The following SNAP25 variants were observed in gnomAD, a reference collection of about 807,000 sequenced individuals.
The protein encoded by SNAP25 is synaptosome associated protein 25.
SNAP25 carries 3 observed loss-of-function variants against 28.7 expected under a neutral mutation model. That is an observed-to-expected ratio of 0.10 (90% CI 0.05 to 0.27). The LOEUF is 0.27. SNAP25 is among the 10% of genes least tolerant of loss of function. The probability of loss-of-function intolerance (pLI) is 1.00; values close to 1 mark genes in which losing one functional copy is unlikely to be tolerated. For missense variants in SNAP25, 117 were observed against 278.7 expected, an observed-to-expected ratio of 0.42 and a Z score of 4.13; for synonymous variants, 61 against 88.1, an observed-to-expected ratio of 0.69 and a Z score of 1.72.
chr20:10,259,891 C>T (rs1379022103), intron 1 of SNAP25, among the ~76,000 whole-genome samples: 1 of 152,168 alleles, frequency 6.6e-6, no homozygotes, highest in Non-Finnish European at 1.5e-5. Flanking sequence ...TATACATACA[C>T]CTCGGCTTCC....
chr20:10,234,388 C>T lies in SNAP25; in HGVS notation c.-64+15411C>T, dbSNP rs575735656. 2.0e-5 allele frequency among the ~76,000 whole-genome samples: 3 copies of T among 152,326 alleles called. No homozygotes were observed. The South Asian group carries it at 6.2e-4, about 32-fold the overall frequency. Reference sequence around the variant, plus strand: ...TCTTGTTCTTAATCCATAAATGGAACACTAGTGCTCTATAGGCTTAATACT... The same window carrying T: ...TCTTGTTCTTAATCCATAAATGGAATACTAGTGCTCTATAGGCTTAATACT... On this transcript the variant is annotated intron_variant, in intron 1 of 7. Coordinates refer to ENST00000254976, the MANE Select transcript of SNAP25 (RefSeq NM_130811.4).
At chr20:10,224,585 C>A (rs992600334) in intron 1 of SNAP25, among the ~76,000 whole-genome samples, 1 of 151,934 alleles carries the variant, frequency 6.6e-6, no homozygotes, top group Non-Finnish European at 1.5e-5. Context: ...CTGGCATCAT[C>A]TTAATAATGC....
intron 7 of SNAP25, among the ~76,000 whole-genome samples, chr20:10,304,150 A>G (rs1428853147): frequency 1.3e-5 from 2 of 152,226 alleles, no homozygotes; most frequent in African/African-American, 4.8e-5. Context: ...CCAGGTTGCT[A>G]GCATTCAGAC....
chr20:10,270,569 A>T (rs1258316059), intron 1 of SNAP25, among the ~76,000 whole-genome samples: 2 of 151,930 alleles, frequency 1.3e-5, no homozygotes, highest in African/African-American at 4.8e-5. Flanking sequence ...GCGTGGTGGC[A>T]TGCACCTGTA....
In SNAP25 at chr20:10,275,524, G is replaced by A. The variant is rs772695517; in HGVS notation, c.33G>A (p.Leu11=). Residue 11 remains leucine, a synonymous_variant, in exon 2 of 8, where the codon CTG becomes CTA. Coordinates refer to ENST00000254976, the MANE Select transcript of SNAP25 (RefSeq NM_130811.4). MAEDADMRNE[L]EEMQRRADQL... The stretch of plus-strand genomic sequence containing the variant: ...AAGACGCAGACATGCGCAATGAGCT[G>A]GAGGAGATGCAGCGAAGGGCTGACC... 1 of 1,606,348 alleles carries A rather than the reference G, an allele frequency of 6.2e-7. No individual in the cohort carries two copies. Among genetic ancestry groups the A allele is most frequent in the South Asian group, 1.1e-5 (1 of 89,144 alleles).
chr20:10,282,828 G>T (rs989809558), intron 3 of SNAP25, among the ~76,000 whole-genome samples: 2 of 152,192 alleles, frequency 1.3e-5, no homozygotes, highest in African/African-American at 4.8e-5. Context: ...AATGGAGAAA[G>T]AATGCAGAAA....
chr20:10,306,119 C>G lies in SNAP25; in HGVS notation c.553-10C>G. On this transcript the variant is annotated splice_polypyrimidine_tract_variant and intron_variant, in intron 7 of 7. Coordinates refer to ENST00000254976, the MANE Select transcript of SNAP25 (RefSeq NM_130811.4). The stretch of plus-strand genomic sequence containing the variant: ...TAACCTGAGTTCTGTTTCTTTTCCC[C>G]CTTTTCTAGGCTGATTCCAACAAAA... 6.2e-7 allele frequency: 1 copy of G among 1,613,344 alleles called. No homozygotes were observed. The highest frequency in any genetic ancestry group is 8.5e-7 in the Non-Finnish European group (1 of 1,179,570).
intron 1 of SNAP25, among the ~76,000 whole-genome samples, chr20:10,251,584 A>G (rs761066392): frequency 3.9e-5 from 6 of 152,220 alleles, no homozygotes; most frequent in Non-Finnish European, 8.8e-5. Context: ...ATGAGATCTG[A>G]TCCCTTGGAA....
At chr20:10,226,209 T>G (rs2062731611) in intron 1 of SNAP25, among the ~76,000 whole-genome samples, 1 of 152,076 alleles carries the variant, frequency 6.6e-6, no homozygotes, top group African/African-American at 2.4e-5. Context: ...AAACAGAAAA[T>G]GCACAGAAAT....
chr20:10,294,464 CA>C (rs2064064153), intron 5 of SNAP25, among the ~76,000 whole-genome samples: 1 of 151,786 alleles, frequency 6.6e-6, no homozygotes, highest in Non-Finnish European at 1.5e-5. Flanking sequence ...CCATTTTTAG[CA>C]AAAAAGAAAC....
At chr20:10,252,925 A>G (rs950721863) in intron 1 of SNAP25, among the ~76,000 whole-genome samples, 5 of 152,294 alleles carry the variant, frequency 3.3e-5, no homozygotes, top group African/African-American at 1.2e-4. Flanking sequence ...TCTGAAAAAA[A>G]AAAGGGAGAT....
intron 1 of SNAP25, among the ~76,000 whole-genome samples, chr20:10,238,538 G>T (rs952048802): frequency 6.6e-6 from 1 of 152,078 alleles, no homozygotes; most frequent in Non-Finnish European, 1.5e-5. Context: ...GGAATGGATG[G>T]GTGCAGAAGG....
At chr20:10,268,138 T>C (rs1745633461) in intron 1 of SNAP25, among the ~76,000 whole-genome samples, 1 of 152,212 alleles carries the variant, frequency 6.6e-6, no homozygotes, top group African/African-American at 2.4e-5. Context: ...AATATGATTA[T>C]TATTAATAGA....
At chr20:10,264,977 A>G (rs1411302690) in intron 1 of SNAP25, among the ~76,000 whole-genome samples, 1 of 144,406 alleles carries the variant, frequency 6.9e-6, no homozygotes, top group Admixed American at 7.2e-5. Flanking sequence ...ACTGGAGTGC[A>G]GTGGCGCGAT....
intron 2 of SNAP25, among the ~76,000 whole-genome samples, chr20:10,275,887 T>G (rs1023535441): frequency 1.3e-5 from 2 of 152,204 alleles, no homozygotes; most frequent in Admixed American, 6.5e-5. Context: ...GAGAACAGAT[T>G]GTTAACATTT....
intron 1 of SNAP25, among the ~76,000 whole-genome samples, chr20:10,261,386 C>T (rs532692334): frequency 6.6e-6 from 1 of 152,312 alleles, no homozygotes; most frequent in Admixed American, 6.5e-5. Flanking sequence ...TGCTCAAACT[C>T]AGAGCCTCTC....
intron 4 of SNAP25, among the ~76,000 whole-genome samples, chr20:10,285,597 C>T (rs2063860400): frequency 6.6e-6 from 1 of 151,924 alleles, no homozygotes; most frequent in South Asian, 2.1e-4. Context: ...GGAGTCATGA[C>T]TATTTTTTTT....
intron 3 of SNAP25, 60 bp downstream of exon 3, chr20:10,277,786 C>G (rs975310180): frequency 6.7e-5 from 98 of 1,462,468 alleles, no homozygotes; most frequent in Non-Finnish European, 8.5e-5. Flanking sequence ...TACATCCTTT[C>G]CTAGTTGCTA....
At chr20:10,225,944 C>T (rs147622578) in intron 1 of SNAP25, among the ~76,000 whole-genome samples, 5,541 of 152,260 alleles carry the variant, frequency 0.036, 128 homozygotes, top group Non-Finnish European at 0.055. Flanking sequence ...CCCTACACTC[C>T]TGCCTCATTC....
Sources: gnomAD v4.1 joint callset for allele counts (sites outside exome capture counted in the v4.1 genomes callset) on GRCh38, gnomAD v4.1.1 for gene constraint, MANE v1.5 for transcripts, NCBI Gene and HGNC (gene_info 2026-07-23, HGNC 2026-07-21) for gene names.